Variants in SGCZ observed in about 807,000 individuals in gnomAD.
The protein encoded by SGCZ is zeta-sarcoglycan.
In SGCZ, 40 loss-of-function variants were observed where a neutral mutation model predicts 41.3. That is an observed-to-expected ratio of 0.97 (90% confidence interval 0.75 to 1.26). The LOEUF (loss-of-function observed/expected upper bound fraction) is 1.26, where lower values mean the gene tolerates loss of function less well. Among genes scored for constraint, SGCZ ranks in the 50% most tolerant of loss-of-function variants. SGCZ has a pLI of 0.00. For synonymous variants in SGCZ, 206 were observed against 137.5 expected, an observed-to-expected ratio of 1.50 and a Z score of -3.49; for missense variants, 552 against 369.8, an observed-to-expected ratio of 1.49 and a Z score of -4.04.
At chr8:15,101,293 T>A (rs985861397) in intron 1 of SGCZ, among the ~76,000 whole-genome samples, 1 of 152,092 alleles carries the variant, frequency 6.6e-6, no homozygotes, top group Non-Finnish European at 1.5e-5. Flanking sequence ...GGTAAAGGAA[T>A]GAAAAGAAAA....
At chr8:14,894,385 G>C (rs1343147633) in intron 1 of SGCZ, among the ~76,000 whole-genome samples, 1 of 152,092 alleles carries the variant, frequency 6.6e-6, no homozygotes, top group African/African-American at 2.4e-5. Context: ...AAAGATAATT[G>C]AATGTCAATG....
chr8:14,358,868 C>G (rs1429377955), intron 2 of SGCZ, among the ~76,000 whole-genome samples: 3 of 152,096 alleles, frequency 2.0e-5, no homozygotes, highest in Non-Finnish European at 4.4e-5. Flanking sequence ...CTCAGCCTCC[C>G]AAAGTGCTAG....
chr8:15,231,734 G>A (rs762849423), intron 1 of SGCZ, among the ~76,000 whole-genome samples: 3 of 141,740 alleles, frequency 2.1e-5, no homozygotes, highest in Admixed American at 7.7e-5. Flanking sequence ...CAATTCTCTC[G>A]CCTCAACCTC....
At chr8:14,402,740 T>C (rs1430546459) in intron 2 of SGCZ, among the ~76,000 whole-genome samples, 11 of 147,184 alleles carry the variant, frequency 7.5e-5, no homozygotes, top group East Asian at 1.9e-4. Flanking sequence ...CCAGCTTTGT[T>C]CTTTTGGCTT....
intron 1 of SGCZ, among the ~76,000 whole-genome samples, chr8:15,040,079 C>T (rs918439848): frequency 6.6e-6 from 1 of 152,188 alleles, no homozygotes; most frequent in Non-Finnish European, 1.5e-5. Context: ...TTTCTCTATT[C>T]AAGCTCATAC....
chr8:14,768,903 T>C (rs1800133547), intron 1 of SGCZ, among the ~76,000 whole-genome samples: 1 of 151,930 alleles, frequency 6.6e-6, no homozygotes, highest in Admixed American at 6.6e-5. Context: ...TCCTCACAAA[T>C]CAGACGAATA....
intron 2 of SGCZ, among the ~76,000 whole-genome samples, chr8:14,370,021 AG>A (rs1306097064): frequency 6.6e-6 from 1 of 151,968 alleles, no homozygotes; most frequent in African/African-American, 2.4e-5. Flanking sequence ...TGTCTTTTCA[AG>A]ATGTACCAAT....
intron 2 of SGCZ, among the ~76,000 whole-genome samples, chr8:14,330,807 G>A (rs1171861407): frequency 6.6e-6 from 1 of 151,824 alleles, no homozygotes; most frequent in African/African-American, 2.4e-5. Context: ...ATTTTGGCAT[G>A]AAATTAAGAA....
intron 1 of SGCZ, among the ~76,000 whole-genome samples, chr8:15,051,090 G>A (rs905542906): frequency 7.2e-5 from 11 of 152,128 alleles, no homozygotes; most frequent in African/African-American, 2.7e-4. Flanking sequence ...GATTTATTCT[G>A]AAATCAAACT....
chr8:14,628,770 C>A (rs760633083), intron 1 of SGCZ, among the ~76,000 whole-genome samples: 1 of 152,076 alleles, frequency 6.6e-6, no homozygotes, highest in Non-Finnish European at 1.5e-5. Flanking sequence ...ACATCAAGGT[C>A]ATTTATCTTT....
chr8:14,939,345 C>T (rs1301545925), intron 1 of SGCZ, among the ~76,000 whole-genome samples: 1 of 152,052 alleles, frequency 6.6e-6, no homozygotes, highest in Non-Finnish European at 1.5e-5. Flanking sequence ...TAAGCATCTA[C>T]CTTGCTCTCA....
intron 1 of SGCZ, among the ~76,000 whole-genome samples, chr8:14,903,189 C>G (rs1261581993): frequency 6.6e-6 from 1 of 152,034 alleles, no homozygotes; most frequent in African/African-American, 2.4e-5. Context: ...AGAATACACA[C>G]AAAGACACAG....
chr8:14,196,738 T>C (rs952709488), intron 4 of SGCZ, among the ~76,000 whole-genome samples: 4 of 152,102 alleles, frequency 2.6e-5, no homozygotes, highest in African/African-American at 9.7e-5. Context: ...GCTGCAACAT[T>C]GATGCACCTT....
chr8:15,107,059 C>T (rs576690943), intron 1 of SGCZ, among the ~76,000 whole-genome samples: 1 of 152,166 alleles, frequency 6.6e-6, no homozygotes, highest in Non-Finnish European at 1.5e-5. Flanking sequence ...AGCCCCTCTT[C>T]ATTATATAAT....
chr8:14,761,460 T>C (rs1799869085), intron 1 of SGCZ, among the ~76,000 whole-genome samples: 1 of 151,616 alleles, frequency 6.6e-6, no homozygotes, highest in Admixed American at 6.6e-5. Context: ...GTGTCTCATT[T>C]TGATCTACCT....
chr8:14,534,311 G>A (rs1424572086), intron 2 of SGCZ, among the ~76,000 whole-genome samples: 1 of 151,570 alleles, frequency 6.6e-6, no homozygotes. Flanking sequence ...ATGGTGGGGA[G>A]ATAAGCTGTT....
intron 3 of SGCZ, among the ~76,000 whole-genome samples, chr8:14,253,881 T>C (rs1004791457): frequency 1.3e-5 from 2 of 152,096 alleles, no homozygotes; most frequent in African/African-American, 4.8e-5. Flanking sequence ...GAAATAACCA[T>C]AGGACTTTCA....
chr8:15,076,808 A>T (rs1357906174), intron 1 of SGCZ, among the ~76,000 whole-genome samples: 6 of 145,386 alleles, frequency 4.1e-5, no homozygotes, highest in Non-Finnish European at 6.0e-5. Flanking sequence ...TCCCTCCAGC[A>T]TTCCCTTTTT....
intron 1 of SGCZ, among the ~76,000 whole-genome samples, chr8:14,951,204 T>C (rs4607611): frequency 1.3e-5 from 2 of 151,916 alleles, no homozygotes; most frequent in African/African-American, 2.4e-5. Context: ...CTCAATCATA[T>C]TTGTTATGCT....
Sources: gnomAD v4.1 joint callset for allele counts (sites outside exome capture counted in the v4.1 genomes callset) on GRCh38, gnomAD v4.1.1 for gene constraint, MANE v1.5 for transcripts, NCBI Gene and HGNC (gene_info 2026-07-23, HGNC 2026-07-21) for gene names.